The following TOX2 variants were observed in gnomAD, a reference collection of about 807,000 sequenced individuals.
TOX2 encodes TOX high mobility group box family member 2.
Under a neutral mutation model 47.4 loss-of-function variants are expected in TOX2, and 15 were observed. The observed-to-expected ratio is 0.32, with a 90% CI of 0.21 to 0.49. The LOEUF (loss-of-function observed/expected upper bound fraction) is 0.49. Among genes scored for constraint, TOX2 ranks in the 20% least tolerant of loss-of-function variants. The pLI is 0.99. For synonymous variants in TOX2, 290 were observed against 296.6 expected (o/e 0.98, Z 0.23); for missense variants, 622 against 673.1 (o/e 0.92, Z 0.84).
At chr20:43,991,014 T>TTG (rs945804677) in intron 2 of TOX2, among the ~76,000 whole-genome samples, 10 of 152,220 alleles carry the variant, frequency 6.6e-5, no homozygotes, top group Admixed American at 2.0e-4. Flanking sequence ...CAGCACTGCC[T>TTG]TGTGTGTGCC....
At chr20:43,957,409 C>T (rs180888452) in intron 1 of TOX2, among the ~76,000 whole-genome samples, 1 of 152,346 alleles carries the variant, frequency 6.6e-6, no homozygotes, top group East Asian at 1.9e-4. Context: ...TTTGGCTTTG[C>T]CACTTTCTGT....
Position 44,068,823 on chromosome 20 carries a change from C to A in TOX2, c.*137C>A. On this transcript the variant is annotated 3_prime_UTR_variant, in exon 9 of 9. Coordinates refer to ENST00000341197, the MANE Select transcript of TOX2 (RefSeq NM_001098797.2). ...CAGTGACACACCCATTGCCCGGGGG[C>A]TGAGTCTCTTCCTCAACCTCCCACC... is the stretch of plus-strand genomic sequence containing the variant. 8.3e-7 allele frequency: 1 copy of A among 1,199,768 alleles called. No individual in the cohort carries two copies. Among genetic ancestry groups the A allele is most frequent in the Non-Finnish European group, 1.2e-6 (1 of 826,360 alleles). 74.3% of individuals were successfully genotyped at this position (1,199,768 alleles called of 1,614,324 possible). A position where few individuals can be genotyped will look rare whatever the true frequency, so the allele number is the denominator to read the frequency against.
intron 2 of TOX2, among the ~76,000 whole-genome samples, 165 bp from the exon 3 acceptor site, chr20:44,006,382 G>A (rs943800482): frequency 2.6e-5 from 4 of 152,186 alleles, no homozygotes; most frequent in African/African-American, 7.2e-5. Flanking sequence ...GAGTCTGACC[G>A]AGTTAGGGCA....
intron 1 of TOX2, among the ~76,000 whole-genome samples, chr20:43,943,946 C>T (rs538672882): frequency 6.6e-5 from 10 of 152,284 alleles, no homozygotes; most frequent in South Asian, 6.2e-4. Context: ...CTTGTCCACA[C>T]GAATTTGAGC....
intron 3 of TOX2, among the ~76,000 whole-genome samples, chr20:44,007,008 A>G (rs1600729849): frequency 6.6e-6 from 1 of 151,988 alleles, no homozygotes; most frequent in Admixed American, 6.6e-5. Context: ...GAAATCTAAT[A>G]TCAGCACACT....
At chr20:43,936,158 C>G (rs2069325382) in intron 1 of TOX2, among the ~76,000 whole-genome samples, 1 of 152,124 alleles carries the variant, frequency 6.6e-6, no homozygotes, top group African/African-American at 2.4e-5. Flanking sequence ...GCAGACCTAC[C>G]CACAGAGGTG....
intron 3 of TOX2, among the ~76,000 whole-genome samples, chr20:44,011,331 T>C (rs549908186): frequency 6.6e-6 from 1 of 152,268 alleles, no homozygotes; most frequent in Admixed American, 6.5e-5. Context: ...GTTCTAGGCT[T>C]GTGATCTACA....
chr20:44,044,811 C>G (rs550747008), intron 3 of TOX2, among the ~76,000 whole-genome samples: 6 of 152,144 alleles, frequency 3.9e-5, no homozygotes, highest in Non-Finnish European at 5.9e-5. Context: ...AGAGGCTCCA[C>G]GAGATACTTG....
intron 3 of TOX2, among the ~76,000 whole-genome samples, chr20:44,049,842 A>G (rs2071477607): frequency 6.6e-6 from 1 of 152,120 alleles, no homozygotes; most frequent in South Asian, 2.1e-4. Context: ...TTATGACTGT[A>G]TAGTACTTCA....
rs985069588 is a variant in TOX2, at chr20:43,934,884, T to C, written c.99+19894T>C. Among the ~76,000 whole-genome samples, 11 of 152,008 alleles carry C rather than the reference T, an allele frequency of 7.2e-5. 1 individual carries two copies. Among genetic ancestry groups the C allele is most frequent in the Admixed American group, 7.2e-4 (11 of 15,268 alleles). On this transcript the variant is annotated intron_variant, in intron 1 of 8. Transcript: ENST00000341197. ...ATCCTGGACCCTTTCTGTAGACCATTTTTTGGACATTTGGGCTACTCCAGA... is the reference window on the plus strand; with the variant it reads ...ATCCTGGACCCTTTCTGTAGACCATCTTTTGGACATTTGGGCTACTCCAGA...
intron 1 of TOX2, among the ~76,000 whole-genome samples, chr20:43,917,632 C>G (rs1230443231): frequency 6.6e-6 from 1 of 152,106 alleles, no homozygotes; most frequent in African/African-American, 2.4e-5. Context: ...ATCCCCTTGG[C>G]GACTGTCCCC....
intron 1 of TOX2, among the ~76,000 whole-genome samples, chr20:43,923,885 G>A (rs369071783): frequency 3.9e-5 from 6 of 152,198 alleles, no homozygotes; most frequent in African/African-American, 1.4e-4. Context: ...CCTGACCTGT[G>A]GTTCTGAAGA....
chr20:43,996,162 T>C (rs2070475284), intron 2 of TOX2, among the ~76,000 whole-genome samples: 1 of 152,270 alleles, frequency 6.6e-6, no homozygotes, highest in South Asian at 2.1e-4. Context: ...CTCTGCAACC[T>C]TGCCAGGATC....
At chr20:43,939,819 G>A (rs2145344820) in intron 1 of TOX2, among the ~76,000 whole-genome samples, 2 of 152,316 alleles carry the variant, frequency 1.3e-5, no homozygotes, top group South Asian at 4.2e-4. Context: ...CCAGTGCCTG[G>A]CACAGAGTAG....
chr20:44,021,462 G>A (rs1015930486), intron 3 of TOX2, among the ~76,000 whole-genome samples: 1 of 152,110 alleles, frequency 6.6e-6, no homozygotes, highest in African/African-American at 2.4e-5. Context: ...TTCTCCTTTG[G>A]GAGCCCCAGA....
At chr20:44,038,889 C>T (rs1437945408) in intron 3 of TOX2, 9 of 1,113,474 alleles carry the variant, frequency 8.1e-6, no homozygotes, top group Admixed American at 3.7e-5. Context: ...TGCAGCCCTG[C>T]GAAGCTATTA....
At chr20:43,932,783 C>CCCCG (rs11283632) in intron 1 of TOX2, among the ~76,000 whole-genome samples, 5,914 of 148,538 alleles carry the variant, frequency 0.04, 146 homozygotes, top group Middle Eastern at 0.11. Flanking sequence ...TGCCCCCCCC[C>CCCCG]GCCATTTCTG....
At chr20:44,012,445 C>G (rs1026857706) in intron 3 of TOX2, among the ~76,000 whole-genome samples, 11 of 152,208 alleles carry the variant, frequency 7.2e-5, no homozygotes, top group African/African-American at 2.7e-4. Context: ...GCTCCCCCGA[C>G]AGTAGCTATA....
intron 4 of TOX2, among the ~76,000 whole-genome samples, chr20:44,054,055 C>T (rs2071574340): frequency 6.6e-6 from 1 of 152,164 alleles, no homozygotes; most frequent in South Asian, 2.1e-4. Context: ...AGTGACTATA[C>T]AGTCCGTCTT....
Sources: allele counts gnomAD v4.1 joint callset (sites outside exome capture counted in the v4.1 genomes callset), GRCh38; gene constraint gnomAD v4.1.1; transcripts MANE v1.5; gene names NCBI Gene and HGNC (gene_info 2026-07-23, HGNC 2026-07-21).